PUDP: variants seen among roughly 807,000 people sequenced by gnomAD.
The protein encoded by PUDP is pseudouridine-5'-phosphatase.
Under a neutral mutation model 9.4 loss-of-function variants are expected in PUDP, and 8 were observed. The observed-to-expected ratio is 0.85, with a 90% CI of 0.50 to 1.53. PUDP has a LOEUF of 1.53. Ranked by LOEUF, PUDP falls within the 40% of genes most tolerant of loss-of-function variation. PUDP has a pLI of 0.00. For synonymous variants in PUDP, 99 were observed against 80.7 expected (o/e 1.23, Z -1.22); for missense variants, 188 against 189.7 (o/e 0.99, Z 0.05).
In PUDP at chrX:7,082,372, T is replaced by A. The variant is rs963125781; in HGVS notation, c.281-4923A>T. The stretch of plus-strand genomic sequence containing the variant: ...GCGCGGTCTCAGGTGTTCGTGGCAT[T>A]CTTTTGTTGGGTGATCTGGCCATCA... On this transcript the variant is annotated intron_variant, in intron 2 of 3. Coordinates refer to ENST00000381077, the MANE Select transcript of PUDP (RefSeq NM_012080.5). Among the ~76,000 whole-genome samples, 3 of 112,357 alleles carry A rather than the reference T, an allele frequency of 2.7e-5. No individual in the cohort carries two copies. The Admixed American group carries it at 2.8e-4, about 11-fold the overall frequency.
chrX:6,728,288 C>T (rs997199014), intron 3 of PUDP, among the ~76,000 whole-genome samples: 5 of 110,819 alleles, frequency 4.5e-5, no homozygotes, highest in Admixed American at 2.9e-4. Flanking sequence ...TTTGGGAGGC[C>T]GAGGCAGGAG....
At chrX:7,128,396 A>G in intron 1 of PUDP, among the ~76,000 whole-genome samples, 1 of 111,950 alleles carries the variant, frequency 8.9e-6, no homozygotes, top group African/African-American at 3.2e-5. Flanking sequence ...TAGGGAAAAG[A>G]AAGTTTTGAA....
intron 3 of PUDP, among the ~76,000 whole-genome samples, chrX:6,873,536 A>T (rs1927206895): frequency 8.9e-6 from 1 of 111,909 alleles, no homozygotes; most frequent in Admixed American, 9.6e-5. Flanking sequence ...TTTTGTTTTT[A>T]CAGAGTAAGC....
downstream of PUDP, among the ~76,000 whole-genome samples, chrX:7,047,011 A>G (rs945134095): frequency 4.5e-5 from 5 of 112,170 alleles, no homozygotes; most frequent in Non-Finnish European, 9.4e-5. Context: ...ATAGTTTTAC[A>G]GTTTCAAAAG....
intron 3 of PUDP, among the ~76,000 whole-genome samples, chrX:6,751,098 T>C (rs1360029683): frequency 2.8e-5 from 3 of 106,183 alleles, no homozygotes; most frequent in South Asian, 4.2e-4. Flanking sequence ...GCCAAGATTG[T>C]GCCACTGCAC....
chrX:6,753,478 G>A (rs1276377870), intron 3 of PUDP, among the ~76,000 whole-genome samples: 1 of 111,025 alleles, frequency 9.0e-6, no homozygotes, highest in Non-Finnish European at 1.9e-5. Context: ...TTTTCCTCTG[G>A]GTGGATAACC....
rs774492316 is a variant in PUDP, at chrX:6,892,824, G to A, written c.*247+84309C>T. Reference sequence around the variant, plus strand: ...ACTCTCTCTTTCCACCATGTGAGAGGGCACAGCAAGAATGTAGCCCATCTG... The same window carrying A: ...ACTCTCTCTTTCCACCATGTGAGAGAGCACAGCAAGAATGTAGCCCATCTG... On this transcript the variant is annotated intron_variant and NMD_transcript_variant, in intron 3 of 3. Coordinates refer to the PUDP transcript ENST00000655425. Among the ~76,000 whole-genome samples, 778 of 111,521 alleles carry A rather than the reference G, an allele frequency of 7.0e-3. 3 individuals are homozygous for A. The highest frequency in any genetic ancestry group is 0.011 in the Non-Finnish European group (593 of 53,049).
chrX:6,875,316 G>A (rs1214986567), intron 3 of PUDP, among the ~76,000 whole-genome samples: 1 of 111,537 alleles, frequency 9.0e-6, no homozygotes, highest in Non-Finnish European at 1.9e-5. Context: ...CTCCCAAAGT[G>A]CTGGCATTAG....
At chrX:7,114,105 C>T (rs1932130871) in intron 1 of PUDP, among the ~76,000 whole-genome samples, 1 of 110,920 alleles carries the variant, frequency 9.0e-6, no homozygotes, top group African/African-American at 3.3e-5. Flanking sequence ...GACGGAGTCT[C>T]GCACTGTAGC....
At chrX:6,858,233 C>G (rs770899110) in intron 3 of PUDP, among the ~76,000 whole-genome samples, 1 of 111,250 alleles carries the variant, frequency 9.0e-6, no homozygotes, top group East Asian at 2.8e-4. Context: ...GAAGGATGTA[C>G]CCTGATTCCA....
chrX:7,143,226 A>G (rs1247277800), intron 1 of PUDP, among the ~76,000 whole-genome samples: 1 of 111,548 alleles, frequency 9.0e-6, no homozygotes, highest in African/African-American at 3.3e-5. Context: ...AGAATACAGT[A>G]TAGTATAAAC....
chrX:6,891,639 C>T (rs773450559), intron 3 of PUDP, among the ~76,000 whole-genome samples: 1 of 112,195 alleles, frequency 8.9e-6, no homozygotes, highest in South Asian at 3.7e-4. Flanking sequence ...GCTCTCTGTC[C>T]TTGCACAAGC....
At chrX:6,755,089 T>C (rs1298743538) in intron 3 of PUDP, among the ~76,000 whole-genome samples, 1 of 111,785 alleles carries the variant, frequency 8.9e-6, no homozygotes, top group Non-Finnish European at 1.9e-5. Flanking sequence ...GGAGATAATA[T>C]GGTATTAGAG....
intron 3 of PUDP, among the ~76,000 whole-genome samples, chrX:6,819,849 G>C (rs1300362605): frequency 3.6e-5 from 4 of 111,538 alleles, no homozygotes; most frequent in Non-Finnish European, 5.6e-5. Flanking sequence ...GAGCGGAAGA[G>C]AGAACACACA....
At chrX:6,907,643 T>C (rs1291526760) in intron 3 of PUDP, among the ~76,000 whole-genome samples, 2 of 111,688 alleles carry the variant, frequency 1.8e-5, no homozygotes, top group Non-Finnish European at 3.8e-5. Context: ...ATAAAGTCAC[T>C]GTAGGAATGA....
At chrX:6,907,469 C>T (rs773036930) in intron 3 of PUDP, among the ~76,000 whole-genome samples, 59 of 112,013 alleles carry the variant, frequency 5.3e-4, no homozygotes, top group African/African-American at 1.8e-3. Context: ...CCATCATTCT[C>T]TATCCCTTAC....
intron 3 of PUDP, among the ~76,000 whole-genome samples, chrX:6,900,591 AAG>A (rs779020790): frequency 2.4e-4 from 19 of 79,903 alleles, no homozygotes; most frequent in South Asian, 5.0e-4. Context: ...GAGGGAGAGA[AAG>A]AGAGAGAGAG....
intron 1 of PUDP, among the ~76,000 whole-genome samples, chrX:6,985,129 G>C (rs2146801645): frequency 8.9e-6 from 1 of 111,849 alleles, no homozygotes; most frequent in South Asian, 3.8e-4. Flanking sequence ...GGAAAGAAGG[G>C]ACTTTTTACT....
At chrX:7,108,705 C>T (rs1271779473) in intron 1 of PUDP, among the ~76,000 whole-genome samples, 1 of 111,974 alleles carries the variant, frequency 8.9e-6, no homozygotes, top group Admixed American at 9.4e-5. Flanking sequence ...CTACCACAAG[C>T]TGTATTTTTT....
Sources: gnomAD v4.1 joint callset for allele counts (sites outside exome capture counted in the v4.1 genomes callset) on GRCh38, gnomAD v4.1.1 for gene constraint, MANE v1.5 for transcripts, NCBI Gene and HGNC (gene_info 2026-07-23, HGNC 2026-07-21) for gene names.